The following PCDH15 variants were observed in gnomAD, a reference collection of about 807,000 sequenced individuals.
The protein encoded by PCDH15 is protocadherin-15.
PCDH15 carries 129 observed loss-of-function variants against 178.5 expected under a neutral mutation model. The ratio of observed to expected loss-of-function variants is 0.72; its 90% CI spans 0.63 to 0.84. The LOEUF (loss-of-function observed/expected upper bound fraction) is 0.84, where lower values mean the gene tolerates loss of function less well. Ranked by LOEUF, PCDH15 falls within the 40% of genes least tolerant of loss-of-function variation. The pLI is 0.00. For synonymous variants in PCDH15, 800 were observed against 732.0 expected, an observed-to-expected ratio of 1.09 and a Z score of -1.50; for missense variants, 2,230 against 2,099.9, an observed-to-expected ratio of 1.06 and a Z score of -1.21.
intron 6 of PCDH15, among the ~76,000 whole-genome samples, chr10:54,341,295 T>A (rs186012649): frequency 6.6e-6 from 1 of 152,214 alleles, no homozygotes; most frequent in African/African-American, 2.4e-5. Flanking sequence ...ATGGGGGCAG[T>A]TTCCCCCATG....
intron 25 of PCDH15, among the ~76,000 whole-genome samples, chr10:53,910,917 T>C (rs966179581): frequency 6.6e-6 from 1 of 151,904 alleles, no homozygotes; most frequent in Non-Finnish European, 1.5e-5. Flanking sequence ...GTGCCAGAGA[T>C]TGAAGATCAA....
intron 3 of PCDH15, among the ~76,000 whole-genome samples, chr10:54,832,960 A>T (rs1167049218): frequency 1.3e-5 from 2 of 152,184 alleles, no homozygotes; most frequent in Non-Finnish European, 2.9e-5. Context: ...AGGAGAAACT[A>T]CCAGGTTTGT....
Position 55,338,147 on chromosome 10 carries a change from G to A in PCDH15, c.-155-171496C>T, listed in dbSNP as rs116574719. The stretch of plus-strand genomic sequence containing the variant: ...TAAAATGGTTTTATCCCAACAAGAG[G>A]CAATAACTAATGCAGGAGAGGATGT... On this transcript the variant is annotated intron_variant, in intron 2 of 5. Coordinates refer to the PCDH15 transcript ENST00000613346. Among the ~76,000 whole-genome samples, 787 of 152,138 alleles carry A rather than the reference G, an allele frequency of 5.2e-3. 11 individuals are homozygous for A. The highest frequency in any genetic ancestry group is 0.018 in the African/African-American group (742 of 41,506).
intron 1 of PCDH15, among the ~76,000 whole-genome samples, chr10:54,733,153 A>G (rs1943634520): frequency 1.3e-5 from 2 of 151,586 alleles, no homozygotes; most frequent in South Asian, 4.1e-4. Context: ...GACAAAGAAA[A>G]TTAATAAAAT....
intron 2 of PCDH15, among the ~76,000 whole-genome samples, chr10:55,406,188 A>T (rs11004835): frequency 0.47 from 71,615 of 151,618 alleles, 17,719 homozygotes; most frequent in African/African-American, 0.53. Flanking sequence ...GGGGTAAAAA[A>T]GCATACGATC....
intron 2 of PCDH15, among the ~76,000 whole-genome samples, chr10:55,073,864 C>T (rs113098824): frequency 2.9e-3 from 447 of 152,048 alleles, no homozygotes; most frequent in Non-Finnish European, 3.4e-3. Context: ...CTTGCTCCCC[C>T]CCATCTCCCC....
chr10:54,350,518 A>C (rs1297420322), intron 5 of PCDH15, among the ~76,000 whole-genome samples: 1 of 152,232 alleles, frequency 6.6e-6, no homozygotes, highest in Non-Finnish European at 1.5e-5. Context: ...ACCTGTTCAC[A>C]TATGAGATAG....
At chr10:54,175,573 C>T (rs1385406936) in intron 13 of PCDH15, among the ~76,000 whole-genome samples, 1 of 152,120 alleles carries the variant, frequency 6.6e-6, no homozygotes, top group African/African-American at 2.4e-5. Context: ...ATAATCACAA[C>T]ACTCTTTTGA....
chr10:54,308,632 CAT>C (rs1448402510), intron 8 of PCDH15, among the ~76,000 whole-genome samples: 8 of 152,024 alleles, frequency 5.3e-5, no homozygotes, highest in African/African-American at 1.9e-4. Flanking sequence ...TTACTTCACA[CAT>C]GACTTTTTAA....
chr10:55,465,796 C>A (rs1432033720), intron 2 of PCDH15, among the ~76,000 whole-genome samples: 1 of 152,096 alleles, frequency 6.6e-6, no homozygotes, highest in Non-Finnish European at 1.5e-5. Context: ...ATATAGAGAA[C>A]AGTTTGTCAA....
In PCDH15 at chr10:55,615,621, C is replaced by T. The variant is rs117512386; in HGVS notation, c.-156+12004G>A. ...TTAATACCAGCACTATAATACCAGC[C>T]CTCTGATAGGCTGAGGCAATAAGGT... is the stretch of plus-strand genomic sequence containing the variant. On this transcript the variant is annotated intron_variant, in intron 2 of 5. Transcript: ENST00000613346. Among the ~76,000 whole-genome samples the T allele has an allele frequency of 2.0e-5, 3 of 152,130 alleles. No individual in the cohort carries two copies. The East Asian group carries it at 5.8e-4, about 29-fold the overall frequency.
At chr10:55,351,428 T>A (rs1844930460) in intron 2 of PCDH15, among the ~76,000 whole-genome samples, 1 of 152,104 alleles carries the variant, frequency 6.6e-6, no homozygotes, top group African/African-American at 2.4e-5. Context: ...TGGGACATAA[T>A]CTGTGTTTTA....
chr10:55,437,311 T>C (rs2132064105), intron 2 of PCDH15, among the ~76,000 whole-genome samples: 1 of 152,256 alleles, frequency 6.6e-6, no homozygotes, highest in East Asian at 1.9e-4. Context: ...CCCTTTAAAG[T>C]GGATAAGCTC....
At chr10:55,359,482 T>C (rs1845168799) in intron 2 of PCDH15, among the ~76,000 whole-genome samples, 3 of 151,738 alleles carry the variant, frequency 2.0e-5, no homozygotes, top group South Asian at 4.2e-4. Flanking sequence ...ATGTACACTA[T>C]TGGTGGATAT....
intron 19 of PCDH15, among the ~76,000 whole-genome samples, chr10:54,022,280 G>A (rs867836189): frequency 6.6e-6 from 1 of 152,026 alleles, no homozygotes; most frequent in Non-Finnish European, 1.5e-5. Flanking sequence ...GCTTGATACA[G>A]AGATGTCATT....
At chr10:54,477,095 T>C (rs2078328336) in intron 3 of PCDH15, among the ~76,000 whole-genome samples, 1 of 152,116 alleles carries the variant, frequency 6.6e-6, no homozygotes, top group Admixed American at 6.6e-5. Flanking sequence ...TATTTACATC[T>C]TTCTCATTAA....
At chr10:54,726,850 A>G (rs1174349500) in intron 1 of PCDH15, among the ~76,000 whole-genome samples, 1 of 150,262 alleles carries the variant, frequency 6.7e-6, no homozygotes, top group Admixed American at 6.7e-5. Flanking sequence ...CGGATTAAAA[A>G]GAAGAAAAAA....
intron 26 of PCDH15, among the ~76,000 whole-genome samples, chr10:53,898,189 G>T (rs1251191599): frequency 6.6e-5 from 10 of 151,538 alleles, no homozygotes; most frequent in Non-Finnish European, 1.5e-4. Context: ...GGATGGTCTG[G>T]ATCTCCTGAC....
intron 29 of PCDH15, among the ~76,000 whole-genome samples, chr10:53,839,832 T>C (rs1261972987): frequency 6.6e-6 from 1 of 152,148 alleles, no homozygotes; most frequent in East Asian, 1.9e-4. Flanking sequence ...AGCATGAACT[T>C]AAATGGGAAT....
Sources: allele counts gnomAD v4.1 joint callset (sites outside exome capture counted in the v4.1 genomes callset), GRCh38; gene constraint gnomAD v4.1.1; transcripts MANE v1.5; gene names NCBI Gene and HGNC (gene_info 2026-07-23, HGNC 2026-07-21).